Variants in THADA observed in about 807,000 individuals in gnomAD.
THADA encodes THADA armadillo repeat containing.
Under a neutral mutation model 219.8 loss-of-function variants are expected in THADA, and 213 were observed. The observed-to-expected ratio is 0.97, with a 90% CI of 0.87 to 1.09. The LOEUF is 1.09. Ranked by LOEUF, THADA falls within the 50% of genes least tolerant of loss-of-function variation. The pLI, the probability that THADA is intolerant of heterozygous loss-of-function variation, is 0.00. For synonymous variants in THADA, 1,018 were observed against 828.9 expected (o/e 1.23, Z -3.92); for missense variants, 2,956 against 2,311.3 (o/e 1.28, Z -5.72).
At position 43,258,748 on chromosome 2, in the gene THADA, G is replaced by A. The variant is rs547886941; in HGVS notation, c.5296+21017C>T. On this transcript the variant is annotated intron_variant, in intron 36 of 37. Coordinates refer to ENST00000405975, the MANE Select transcript of THADA (RefSeq NM_022065.5). ...TAGAAATGAAGAATGAAGCAGCACA[G>A]AGACTTTGCTAAGCAGGATAGAACT... Among the ~76,000 whole-genome samples, 12 of 152,270 alleles carry A rather than the reference G, an allele frequency of 7.9e-5. No homozygotes were observed. The South Asian group carries it at 8.3e-4, about 11-fold the overall frequency.
intron 30 of THADA, among the ~76,000 whole-genome samples, chr2:43,338,217 C>A: frequency 6.8e-6 from 1 of 146,186 alleles, no homozygotes; most frequent in African/African-American, 2.6e-5. Context: ...AGTGCAGTGG[C>A]ACGATCTCGG....
chr2:43,504,704 G>A (rs1307774436), intron 24 of THADA, among the ~76,000 whole-genome samples: 2 of 152,116 alleles, frequency 1.3e-5, no homozygotes, highest in Non-Finnish European at 2.9e-5. Context: ...CAGGTGATTG[G>A]GCCTGGTCTC....
Position 43,507,144 on chromosome 2 carries a change from T to C in THADA, c.3508-1409A>G, listed in dbSNP as rs533304013. The stretch of plus-strand genomic sequence containing the variant: ...GTCACGCTAAGAGAAATGAAGACTC[T>C]CTTTAAGCAGATTTTTAAAAAAAAA... On this transcript the variant is annotated intron_variant, in intron 23 of 37. Coordinates refer to ENST00000405975, the MANE Select transcript of THADA (RefSeq NM_022065.5). Among the ~76,000 whole-genome samples, 8 of 152,250 alleles carry C rather than the reference T, an allele frequency of 5.3e-5. No homozygotes were observed. The East Asian group carries it at 1.5e-3, about 29-fold the overall frequency.
chr2:43,458,414 C>G (rs986946900), intron 26 of THADA, among the ~76,000 whole-genome samples: 1 of 152,120 alleles, frequency 6.6e-6, no homozygotes, highest in African/African-American at 2.4e-5. Context: ...GGGGAAGTCA[C>G]CTAACTTCTG....
chr2:43,479,384 A>G (rs920276037), intron 26 of THADA, among the ~76,000 whole-genome samples: 3 of 152,194 alleles, frequency 2.0e-5, no homozygotes, highest in Non-Finnish European at 4.4e-5. Context: ...CAGATCTGCA[A>G]AATGAGAATG....
chr2:43,285,694 G>A (rs1390207410), intron 35 of THADA, among the ~76,000 whole-genome samples: 1 of 151,972 alleles, frequency 6.6e-6, no homozygotes, highest in Non-Finnish European at 1.5e-5. Context: ...GGGATTACAG[G>A]CATGTGCCAC....
chr2:43,578,452 T>G (rs1700083503), intron 9 of THADA, 61 bp downstream of exon 9: 1 of 1,429,028 alleles, frequency 7.0e-7, no homozygotes, highest in Non-Finnish European at 9.7e-7. Flanking sequence ...AAGCCAAAAT[T>G]ATTTTTTAAA....
At chr2:43,318,446 A>G (rs558269878) in intron 31 of THADA, among the ~76,000 whole-genome samples, 1 of 152,326 alleles carries the variant, frequency 6.6e-6, no homozygotes, top group South Asian at 2.1e-4. Context: ...CACATACATA[A>G]TTAATACAAA....
intron 31 of THADA, among the ~76,000 whole-genome samples, chr2:43,297,194 C>T (rs1322289399): frequency 9.7e-6 from 1 of 102,702 alleles, no homozygotes; most frequent in African/African-American, 4.7e-5. Flanking sequence ...CCCCGCCGCC[C>T]CATCTGGGAT....
intron 28 of THADA, among the ~76,000 whole-genome samples, chr2:43,418,415 G>A (rs1677280160): frequency 6.6e-6 from 1 of 152,164 alleles, no homozygotes; most frequent in African/African-American, 2.4e-5. Context: ...GACAGCGGGA[G>A]GAACCTCTGT....
At chr2:43,289,976 G>T (rs4952985) in intron 34 of THADA, among the ~76,000 whole-genome samples, 81 of 91,994 alleles carry the variant, frequency 8.8e-4, no homozygotes, top group South Asian at 6.8e-3. Context: ...TTTTGTTTTT[G>T]TTTTTTTTTT....
chr2:43,530,155 A>T (rs1034308368), intron 21 of THADA, among the ~76,000 whole-genome samples: 1 of 152,196 alleles, frequency 6.6e-6, no homozygotes, highest in African/African-American at 2.4e-5. Flanking sequence ...AATTTTTTTA[A>T]AAAAAATTCT....
In THADA at chr2:43,359,590, G is replaced by A. The variant is rs180858089; in HGVS notation, c.4228-15353C>T. 8.7e-4 allele frequency among the ~76,000 whole-genome samples: 133 copies of A among 152,334 alleles called. 1 individual carries two copies. Among genetic ancestry groups the A allele is most frequent in the Non-Finnish European group, 1.4e-3 (95 of 68,020 alleles). On this transcript the variant is annotated intron_variant, in intron 29 of 37. Transcript: ENST00000405975. Reference sequence around the variant, plus strand: ...AGCTTCTTGAGAGGCTGAGGCAGAAGAATTGCTTGAACCTGGGAGGCGGAG... The same window carrying A: ...AGCTTCTTGAGAGGCTGAGGCAGAAAAATTGCTTGAACCTGGGAGGCGGAG...
intron 28 of THADA, among the ~76,000 whole-genome samples, chr2:43,416,885 T>C (rs1677050007): frequency 6.6e-6 from 1 of 152,206 alleles, no homozygotes; most frequent in Non-Finnish European, 1.5e-5. Flanking sequence ...CAATCTTAAG[T>C]AACAAAACCT....
intron 34 of THADA, among the ~76,000 whole-genome samples, chr2:43,288,152 C>T (rs1313088063): frequency 6.6e-6 from 1 of 152,234 alleles, no homozygotes; most frequent in Non-Finnish European, 1.5e-5. Context: ...GGCACAGTGG[C>T]TCACGGCTAT....
intron 1 of THADA, chr2:43,595,544 A>C (rs1011194363): frequency 6.6e-6 from 1 of 152,344 alleles, no homozygotes; most frequent in African/African-American, 2.4e-5. Flanking sequence ...TGATGCCTAA[A>C]CGTGTGTCCT....
At chr2:43,346,210 A>G (rs1573185672) in intron 29 of THADA, among the ~76,000 whole-genome samples, 1 of 152,230 alleles carries the variant, frequency 6.6e-6, no homozygotes, top group South Asian at 2.1e-4. Context: ...AGAAAGTTTT[A>G]TAAGCAATTG....
At chr2:43,495,747 T>A (rs1046912993) in intron 25 of THADA, among the ~76,000 whole-genome samples, 7 of 152,232 alleles carry the variant, frequency 4.6e-5, no homozygotes, top group Admixed American at 2.0e-4. Context: ...CTGGAACTAA[T>A]GGCTTCAAGA....
intron 36 of THADA, among the ~76,000 whole-genome samples, chr2:43,270,588 G>T (rs1343385549): frequency 6.6e-6 from 1 of 152,178 alleles, no homozygotes; most frequent in African/African-American, 2.4e-5. Context: ...AGAGTGCAAG[G>T]CCTCTGTCAC....
Sources: gnomAD v4.1 joint callset for allele counts (sites outside exome capture counted in the v4.1 genomes callset) on GRCh38, gnomAD v4.1.1 for gene constraint, MANE v1.5 for transcripts, NCBI Gene and HGNC (gene_info 2026-07-23, HGNC 2026-07-21) for gene names.